The following NDE1 variants were observed in gnomAD, a reference collection of about 807,000 sequenced individuals.
The protein encoded by NDE1 is nudE neurodevelopment protein 1, also known as nuclear distribution protein nudE homolog 1.
Under a neutral mutation model 43.4 loss-of-function variants are expected in NDE1, and 28 were observed. The observed-to-expected ratio is 0.65, with a 90% CI of 0.48 to 0.89. The LOEUF is 0.89. NDE1 is among the 40% of genes least tolerant of loss of function. NDE1 has a pLI of 0.00. For missense variants in NDE1, 441 were observed against 434.1 expected (o/e 1.02, Z -0.14); for synonymous variants, 184 against 172.0 (o/e 1.07, Z -0.55).
At chr16:15,689,622 A>G (rs2038626259) in intron 5 of NDE1, among the ~76,000 whole-genome samples, 2 of 152,308 alleles carry the variant, frequency 1.3e-5, no homozygotes, top group East Asian at 1.9e-4. Context: ...AGATACATAC[A>G]TATGTATAAA....
intron 8 of NDE1, chr16:15,718,611 G>C (rs1001991115): frequency 9.8e-7 from 1 of 1,020,296 alleles, no homozygotes; most frequent in Non-Finnish European, 1.4e-6. Flanking sequence ...GTGGACAGCC[G>C]GGACTCAGGC....
intron 8 of NDE1, among the ~76,000 whole-genome samples, chr16:15,710,659 C>T (rs2039730119): frequency 1.3e-5 from 2 of 151,884 alleles, no homozygotes; most frequent in Non-Finnish European, 2.9e-5. Context: ...TGGTTGCCAG[C>T]AGAGCACATC....
intron 8 of NDE1, among the ~76,000 whole-genome samples, chr16:15,723,119 A>G (rs2040571593): frequency 6.6e-6 from 1 of 152,164 alleles, no homozygotes; most frequent in Non-Finnish European, 1.5e-5. Context: ...ATGTATCTTA[A>G]AAGTTGGTAT....
chr16:15,673,752 C>T (rs964504019), intron 3 of NDE1, among the ~76,000 whole-genome samples: 1 of 152,062 alleles, frequency 6.6e-6, no homozygotes, highest in Non-Finnish European at 1.5e-5. Flanking sequence ...GGCTAATATG[C>T]CTCTGCCACC....
intron 5 of NDE1, among the ~76,000 whole-genome samples, chr16:15,688,226 A>G (rs1567649794): frequency 6.6e-6 from 1 of 152,124 alleles, no homozygotes; most frequent in Non-Finnish European, 1.5e-5. Context: ...ATTGCCAGCT[A>G]GCCTATTATT....
At chr16:15,690,358 T>TTC (rs2038686044) in intron 5 of NDE1, among the ~76,000 whole-genome samples, 2 of 76,194 alleles carry the variant, frequency 2.6e-5, no homozygotes, top group South Asian at 5.3e-4. Flanking sequence ...TTTTTCTTTT[T>TTC]TTTTTTTTTT....
At chr16:15,703,544 C>G in intron 8 of NDE1, 1 of 327,604 alleles carries the variant, frequency 3.1e-6, no homozygotes. Flanking sequence ...TCATCTCTTA[C>G]ATCATACAAA....
intron 6 of NDE1, among the ~76,000 whole-genome samples, chr16:15,691,816 A>G (rs2038769253): frequency 6.6e-6 from 1 of 151,388 alleles, no homozygotes; most frequent in African/African-American, 2.4e-5. Flanking sequence ...TTAGGTGGAG[A>G]CACAGTCTTG....
chr16:15,725,956 C>T lies in NDE1; in HGVS notation c.*1705C>T. 2.8e-6 allele frequency: 1 copy of T among 356,026 alleles called. No individual in the cohort carries two copies. Among genetic ancestry groups the T allele is most frequent in the Non-Finnish European group, 5.0e-6 (1 of 199,466 alleles). The allele number at this position is 356,026 out of a possible 1,614,324, so 22.1% of individuals were successfully genotyped here. ...CCCCTCCAACCCCACTCTGTACTATCTCCCCCTACCCCCAACCCCAGCTGG... is the reference window on the plus strand; with the variant it reads ...CCCCTCCAACCCCACTCTGTACTATTTCCCCCTACCCCCAACCCCAGCTGG... On this transcript the variant is annotated 3_prime_UTR_variant, in exon 9 of 9. Transcript: ENST00000396354.
chr16:15,656,963 A>T (rs917769356), intron 1 of NDE1, among the ~76,000 whole-genome samples: 1 of 152,172 alleles, frequency 6.6e-6, no homozygotes, highest in Non-Finnish European at 1.5e-5. Context: ...GATCTTGCAC[A>T]TCTTTTTCCA....
At chr16:15,699,470 C>T (rs1012270843) in intron 8 of NDE1, 13 of 1,015,092 alleles carry the variant, frequency 1.3e-5, no homozygotes, top group African/African-American at 1.0e-4. Context: ...CACTATGTTG[C>T]GTAGGCTGTA....
chr16:15,722,904 C>T (rs945794138), intron 8 of NDE1, among the ~76,000 whole-genome samples: 131 of 151,982 alleles, frequency 8.6e-4, no homozygotes, highest in Admixed American at 8.1e-3. Context: ...CCACCACGCC[C>T]GGCTAATTTT....
In NDE1 at chr16:15,725,130, C is replaced by G. The variant is rs60654909; in HGVS notation, c.*879C>G. On this transcript the variant is annotated 3_prime_UTR_variant, in exon 9 of 9. Transcript: ENST00000396354. ...GAAAATACCCGTGAGGTATGGGACT[C>G]TGATAAAAAAAAAAAAAAACACACA... The G allele has an allele frequency of 3.1e-6, 2 of 635,390 alleles. No individual in the cohort carries two copies. Among genetic ancestry groups the G allele is most frequent in the Non-Finnish European group, 5.4e-6 (2 of 368,512 alleles). The allele number at this position is 635,390 out of a possible 1,614,324, so 39.4% of individuals were successfully genotyped here. A position where few individuals can be genotyped will look rare whatever the true frequency, so the allele number is the denominator to read the frequency against.
At chr16:15,696,577 G>A in intron 7 of NDE1, 132 bp from the exon 8 acceptor site, 1 of 1,536,196 alleles carries the variant, frequency 6.5e-7, no homozygotes, top group South Asian at 1.2e-5. Context: ...TTCCTCTTGG[G>A]GTCCCACCTT....
intron 8 of NDE1, among the ~76,000 whole-genome samples, chr16:15,708,524 C>T (rs924266548): frequency 1.3e-5 from 2 of 152,220 alleles, no homozygotes; most frequent in African/African-American, 2.4e-5. Context: ...TCTGCCATCT[C>T]GTCAAGATGC....
chr16:15,694,319 G>T (rs1434835200), intron 7 of NDE1, 63 bp downstream of exon 7: 2 of 1,587,978 alleles, frequency 1.3e-6, no homozygotes, highest in Admixed American at 1.8e-5. Flanking sequence ...GTGTGAAGGG[G>T]GTTGATCTAG....
At chr16:15,717,000 A>C (rs928656620) in intron 8 of NDE1, 5 of 963,070 alleles carry the variant, frequency 5.2e-6, no homozygotes, top group African/African-American at 4.8e-5. Context: ...AGTTCTCACA[A>C]CATACCTGCA....
At chr16:15,708,460 G>C (rs530508593) in intron 8 of NDE1, among the ~76,000 whole-genome samples, 1 of 152,208 alleles carries the variant, frequency 6.6e-6, no homozygotes, top group Non-Finnish European at 1.5e-5. Context: ...CCCTAACCAC[G>C]TAAGAGTGGC....
intron 4 of NDE1, chr16:15,684,584 AAAG>A (rs888933357): frequency 2.0e-5 from 3 of 151,898 alleles, no homozygotes; most frequent in African/African-American, 7.3e-5. Context: ...AAAAAAAAAA[AAAG>A]GCACTGAAGC....
Sources: allele counts gnomAD v4.1 joint callset (sites outside exome capture counted in the v4.1 genomes callset), GRCh38; gene constraint gnomAD v4.1.1; transcripts MANE v1.5; gene names NCBI Gene and HGNC (gene_info 2026-07-23, HGNC 2026-07-21).